DNM3: variants seen among roughly 807,000 people sequenced by gnomAD.
DNM3 encodes dynamin-3.
Under a neutral mutation model 101.6 loss-of-function variants are expected in DNM3, and 47 were observed. The ratio of observed to expected loss-of-function variants is 0.46; its 90% CI spans 0.37 to 0.59. The LOEUF is 0.59. DNM3 is among the 20% of genes least tolerant of loss of function. The pLI, the probability that DNM3 is intolerant of heterozygous loss-of-function variation, is 0.00. For missense variants in DNM3, 849 were observed against 1,085.7 expected, an observed-to-expected ratio of 0.78 and a Z score of 3.06; for synonymous variants, 385 against 387.9, an observed-to-expected ratio of 0.99 and a Z score of 0.09.
intron 15 of DNM3, among the ~76,000 whole-genome samples, chr1:172,258,020 G>A (rs114953336): frequency 3.3e-5 from 5 of 152,090 alleles, no homozygotes; most frequent in Admixed American, 1.3e-4. Context: ...CTATTTATGA[G>A]CAAGTACATG....
chr1:171,901,114 A>G (rs2038297715), intron 1 of DNM3, among the ~76,000 whole-genome samples: 1 of 142,326 alleles, frequency 7.0e-6, no homozygotes. Flanking sequence ...CTCTGTCTCA[A>G]AAAAAAAAAA....
At chr1:172,322,708 G>A (rs968259952) in intron 16 of DNM3, among the ~76,000 whole-genome samples, 4 of 152,088 alleles carry the variant, frequency 2.6e-5, no homozygotes, top group African/African-American at 9.7e-5. Flanking sequence ...GCCAACCTAA[G>A]GCAAAACTCA....
intron 1 of DNM3, among the ~76,000 whole-genome samples, chr1:171,902,932 C>T (rs781746661): frequency 2.6e-5 from 4 of 152,056 alleles, no homozygotes; most frequent in South Asian, 2.1e-4. Context: ...GCGGGAAGAT[C>T]GCTTTAGTCC....
intron 2 of DNM3, among the ~76,000 whole-genome samples, chr1:171,960,092 T>A (rs2043118766): frequency 6.6e-6 from 1 of 152,154 alleles, no homozygotes; most frequent in Admixed American, 6.5e-5. Context: ...TGGATTAGGA[T>A]GGGTTCAAAT....
intron 4 of DNM3, among the ~76,000 whole-genome samples, chr1:172,013,484 T>C (rs2047252097): frequency 6.6e-6 from 1 of 152,096 alleles, no homozygotes; most frequent in Non-Finnish European, 1.5e-5. Context: ...GCTTAGAATA[T>C]ATATGTAGTT....
At chr1:171,991,273 A>G (rs1215892705) in intron 4 of DNM3, among the ~76,000 whole-genome samples, 1 of 152,064 alleles carries the variant, frequency 6.6e-6, no homozygotes, top group Non-Finnish European at 1.5e-5. Context: ...ATCAGATCAC[A>G]CTGATTGAGG....
At chr1:171,968,004 T>G (rs1485922166) in intron 2 of DNM3, among the ~76,000 whole-genome samples, 1 of 152,182 alleles carries the variant, frequency 6.6e-6, no homozygotes, top group Non-Finnish European at 1.5e-5. Context: ...TGTCAGCTTA[T>G]TTTTAGCAAA....
chr1:172,385,504 T>C (rs2069132694), intron 18 of DNM3, among the ~76,000 whole-genome samples: 1 of 152,238 alleles, frequency 6.6e-6, no homozygotes, highest in Non-Finnish European at 1.5e-5. Context: ...TCTTGTGTAT[T>C]AGATTACTTT....
chr1:172,380,362 C>T (rs1009026537), intron 18 of DNM3, among the ~76,000 whole-genome samples: 2 of 152,022 alleles, frequency 1.3e-5, no homozygotes, highest in South Asian at 2.1e-4. Context: ...TTTCTAAATA[C>T]GACAGTCCGT....
At chr1:171,900,049 G>T (rs971162946) in intron 1 of DNM3, among the ~76,000 whole-genome samples, 1 of 152,208 alleles carries the variant, frequency 6.6e-6, no homozygotes, top group Non-Finnish European at 1.5e-5. Flanking sequence ...AGACTGCACA[G>T]TGGGGGAGGA....
At chr1:172,088,187 G>T (rs1339149904) in intron 12 of DNM3, among the ~76,000 whole-genome samples, 1 of 152,188 alleles carries the variant, frequency 6.6e-6, no homozygotes, top group Non-Finnish European at 1.5e-5. Context: ...AGCAGGCATT[G>T]TTGGAAACCC....
chr1:171,978,481 G>A (rs779257220), intron 2 of DNM3, among the ~76,000 whole-genome samples: 5 of 152,138 alleles, frequency 3.3e-5, no homozygotes, highest in South Asian at 2.1e-4. Context: ...CAAGCAGAGC[G>A]ACTGAGTAGG....
At chr1:172,217,255 T>C (rs1356904469) in intron 14 of DNM3, among the ~76,000 whole-genome samples, 1 of 151,280 alleles carries the variant, frequency 6.6e-6, no homozygotes, top group African/African-American at 2.4e-5. Context: ...GCTTGGGCAC[T>C]TCCACTAACT....
intron 14 of DNM3, among the ~76,000 whole-genome samples, chr1:172,244,874 T>C (rs1432917194): frequency 1.3e-5 from 2 of 152,228 alleles, no homozygotes; most frequent in Non-Finnish European, 2.9e-5. Context: ...CAAAGGACTA[T>C]AAATCATGCT....
chr1:172,056,168 C>G (rs1394471049), intron 10 of DNM3, among the ~76,000 whole-genome samples: 5 of 152,226 alleles, frequency 3.3e-5, no homozygotes, highest in Non-Finnish European at 7.3e-5. Flanking sequence ...GAGATTATAT[C>G]CCGCACCTGG....
chr1:172,127,103 C>T (rs1220620415), intron 13 of DNM3, among the ~76,000 whole-genome samples: 1 of 152,048 alleles, frequency 6.6e-6, no homozygotes, highest in Non-Finnish European at 1.5e-5. Context: ...AATATCACTA[C>T]CTTCAAGCCT....
At chr1:172,047,123 T>C (rs188834234) in intron 9 of DNM3, among the ~76,000 whole-genome samples, 2 of 152,278 alleles carry the variant, frequency 1.3e-5, no homozygotes, top group African/African-American at 2.4e-5. Flanking sequence ...AATTTTTTTT[T>C]CCCATTTGAT....
chr1:171,948,561 C>A (rs867046771), intron 2 of DNM3, among the ~76,000 whole-genome samples: 4 of 152,088 alleles, frequency 2.6e-5, no homozygotes, highest in Non-Finnish European at 4.4e-5. Context: ...TCATTAATGA[C>A]CACTTTAGAG....
At chr1:172,050,165 C>T (rs1251703657) in intron 10 of DNM3, among the ~76,000 whole-genome samples, 1 of 152,190 alleles carries the variant, frequency 6.6e-6, no homozygotes, top group Non-Finnish European at 1.5e-5. Context: ...GTTGCTAACA[C>T]TCCTCATCCC....
Sources: allele counts gnomAD v4.1 joint callset (sites outside exome capture counted in the v4.1 genomes callset), GRCh38; gene constraint gnomAD v4.1.1; transcripts MANE v1.5; gene names NCBI Gene and HGNC (gene_info 2026-07-23, HGNC 2026-07-21).